PRAMEF19: variants seen among roughly 807,000 people sequenced by gnomAD.
PRAMEF19 encodes the protein PRAME family member-like.
In PRAMEF19, 21 loss-of-function variants were observed where a neutral mutation model predicts 33.1. The observed-to-expected ratio is 0.63, with a 90% confidence interval of 0.45 to 0.91. The LOEUF is 0.91. Among genes scored for constraint, PRAMEF19 ranks in the 40% least tolerant of loss-of-function variants. The pLI is 0.00. For synonymous variants in PRAMEF19, 179 were observed against 229.3 expected (o/e 0.78, Z 1.98); for missense variants, 481 against 585.2 (o/e 0.82, Z 1.84).
rs1640647790 is a variant in PRAMEF19, at chr1:13,369,653, A to G, written c.867-13T>C. ...GCTCTTGAGGCACCTGGGGAGAGCA[A>G]GAAGTTAGTACTGGGCAATGGCACC... On this transcript the variant is annotated splice_polypyrimidine_tract_variant and intron_variant, in intron 2 of 2. Transcript: ENST00000376101. 6.2e-7 allele frequency: 1 copy of G among 1,613,532 alleles called. No individual in the cohort carries two copies.
chr1:13,370,980 G>A (rs1274763179), exon 2 of PRAMEF19: 3 of 1,612,130 alleles, frequency 1.9e-6, no homozygotes, highest in African/African-American at 1.3e-5. Flanking sequence ...CAGCACAGGT[G>A]TACTGAACGT....
chr1:13,369,172 C>T, exon 3 of PRAMEF19: 1 of 1,611,944 alleles, frequency 6.2e-7, no homozygotes. Context: ...TGTTGGGCTC[C>T]CTTACTTCCC....
At chr1:13,371,037 C>T (rs1179688107) in exon 2 of PRAMEF19, 100 of 1,611,046 alleles carry the variant, frequency 6.2e-5, no homozygotes, top group South Asian at 3.0e-4. Context: ...TCTTCATCCA[C>T]GGATTTTTCC....
chr1:13,371,747 GA>G lies in PRAMEF19; in HGVS notation c.153del (p.Leu52Ter). 6.2e-7 allele frequency: 1 copy of G among 1,610,180 alleles called. No homozygotes were observed. The highest frequency in any genetic ancestry group is 8.5e-7 in the Non-Finnish European group (1 of 1,179,322). On this transcript the variant is annotated frameshift_variant, in exon 1 of 3. Transcript: ENST00000376101. LOFTEE classifies it high-confidence loss of function. ...GGCCAGGCCTGCACCATCACCTTCA[GA>G]ACCTCGCAGCATCTGCTAGTGAAGG...
At chr1:13,369,266 G>A in exon 3 of PRAMEF19, 1 of 1,612,058 alleles carries the variant, frequency 6.2e-7, no homozygotes, top group South Asian at 1.1e-5. Flanking sequence ...CTCCCGAGGG[G>A]CAGGATATGT....
chr1:13,370,800 TGAA>T (rs1640661970), exon 2 of PRAMEF19: 2 of 1,613,844 alleles, frequency 1.2e-6, no homozygotes, highest in African/African-American at 2.7e-5. Context: ...CCATCGGAGA[TGAA>T]GAGTTTTCGA....
Position 13,369,645 on chromosome 1 carries a change from G to A in PRAMEF19, c.867-5C>T, listed in dbSNP as rs1640647603. 5 of 1,613,544 alleles carry A rather than the reference G, an allele frequency of 3.1e-6. No homozygotes were observed. Among genetic ancestry groups the A allele is most frequent in the African/African-American group, 1.3e-5 (1 of 74,858 alleles). ...TCCAACGGGCTCTTGAGGCACCTGG[G>A]GAGAGCAAGAAGTTAGTACTGGGCA... On this transcript the variant is annotated splice_region_variant and splice_polypyrimidine_tract_variant and intron_variant, in intron 2 of 2. Coordinates refer to ENST00000376101, the Ensembl canonical transcript of PRAMEF19.
At chr1:13,370,958 A>C (rs1640664333) in exon 2 of PRAMEF19, 3 of 1,612,820 alleles carry the variant, frequency 1.9e-6, no homozygotes, top group African/African-American at 1.3e-5. Context: ...TGAATAATTT[A>C]CCACCTTAGT....
chr1:13,370,525 A>G (rs1423883640), intron 2 of PRAMEF19, 124 bp downstream of exon 2: 4 of 1,293,510 alleles, frequency 3.1e-6, no homozygotes, highest in Admixed American at 3.9e-5. Context: ...AGGACAATGC[A>G]TTCTAGTATC....
At chr1:13,369,374 T>G in exon 3 of PRAMEF19, 3 of 1,612,232 alleles carry the variant, frequency 1.9e-6, no homozygotes, top group Non-Finnish European at 2.5e-6. Context: ...AGTGGTGAGG[T>G]TGGAGCAGCG....
intron 2 of PRAMEF19, 60 bp downstream of exon 2, chr1:13,370,589 T>G: frequency 3.1e-6 from 5 of 1,605,996 alleles, no homozygotes; most frequent in Non-Finnish European, 4.3e-6. Context: ...GACTAGTGTT[T>G]ACTGTAACAA....
intron 1 of PRAMEF19, 114 bp downstream of exon 1, chr1:13,371,500 C>T: frequency 6.0e-6 from 9 of 1,494,674 alleles, no homozygotes; most frequent in Non-Finnish European, 8.2e-6. Flanking sequence ...AGAACGTTCC[C>T]AGCTTTCTCA....
At chr1:13,370,964 T>G in exon 2 of PRAMEF19, 1 of 1,612,566 alleles carries the variant, frequency 6.2e-7, no homozygotes, top group Non-Finnish European at 8.5e-7. Context: ...ATTTACCACC[T>G]TAGTACAGCA....
In PRAMEF19 at chr1:13,371,233, A is replaced by C; in HGVS notation, c.288-6T>G. The C allele has an allele frequency of 1.2e-6, 2 of 1,612,012 alleles. No homozygotes were observed. Among genetic ancestry groups the C allele is most frequent in the Non-Finnish European group, 1.7e-6 (2 of 1,179,840 alleles). ...GCACTTGAAGTTTCCACCTCCTGTG[A>C]GTAACATAGGGGAAAAGCTCAGAAC... On this transcript the variant is annotated splice_polypyrimidine_tract_variant and splice_region_variant and intron_variant, in intron 1 of 2. Transcript: ENST00000376101.
chr1:13,369,023 G>A, downstream of PRAMEF19: 1 of 1,610,376 alleles, frequency 6.2e-7, no homozygotes, highest in Non-Finnish European at 8.5e-7. Context: ...CTAGATTTTA[G>A]TTTCCAAGTG....
exon 3 of PRAMEF19, chr1:13,369,372 G>C: frequency 6.2e-7 from 1 of 1,612,286 alleles, no homozygotes; most frequent in Non-Finnish European, 8.5e-7. Flanking sequence ...AAAGTGGTGA[G>C]GTTGGAGCAG....
exon 1 of PRAMEF19, chr1:13,371,620 C>T (rs1388182105): frequency 3.4e-5 from 54 of 1,610,746 alleles, no homozygotes; most frequent in South Asian, 4.4e-5. Context: ...TCACCTGGGG[C>T]GAACCTTTTG....
At chr1:13,369,574 T>G (rs1640646093) in exon 3 of PRAMEF19, 8 of 1,613,772 alleles carry the variant, frequency 5.0e-6, no homozygotes, top group Non-Finnish European at 5.9e-6. Flanking sequence ...AGGGCAGACA[T>G]TTCAAGTCCT....
At chr1:13,370,689 T>C (rs1640658927) in exon 2 of PRAMEF19, 1 of 1,613,808 alleles carries the variant, frequency 6.2e-7, no homozygotes, top group African/African-American at 1.3e-5. Flanking sequence ...AAGCGGATCC[T>C]TCTCATATAA....
Sources: gnomAD v4.1 joint callset for allele counts on GRCh38, gnomAD v4.1.1 for gene constraint, MANE v1.5 for transcripts, NCBI Gene and HGNC (gene_info 2026-07-23, HGNC 2026-07-21) for gene names.